PRKCB: variants seen among roughly 807,000 people sequenced by gnomAD.
The protein encoded by PRKCB is protein kinase C beta type.
In PRKCB, 13 loss-of-function variants were observed where a neutral mutation model predicts 81.5. That is an observed-to-expected ratio of 0.16 (90% CI 0.10 to 0.25). The LOEUF (loss-of-function observed/expected upper bound fraction) is 0.25. PRKCB is among the 10% of genes least tolerant of loss of function. The pLI is 1.00. For synonymous variants in PRKCB, 335 were observed against 321.4 expected, an observed-to-expected ratio of 1.04 and a Z score of -0.45; for missense variants, 509 against 875.7, an observed-to-expected ratio of 0.58 and a Z score of 5.29.
intron 2 of PRKCB, among the ~76,000 whole-genome samples, chr16:23,868,296 A>T (rs1597217601): frequency 6.6e-6 from 1 of 152,344 alleles, no homozygotes; most frequent in East Asian, 1.9e-4. Flanking sequence ...AATGGGAAGC[A>T]AAAAATAAAA....
rs528930677 is a variant in PRKCB at position 23,916,549 on chromosome 16, C to T, written c.206-71959C>T. On this transcript the variant is annotated intron_variant, in intron 2 of 16. Coordinates refer to ENST00000643927, the MANE Select transcript of PRKCB (RefSeq NM_002738.7). The stretch of plus-strand genomic sequence containing the variant: ...TCCTATCCCTAGCCCTTAGGCCACT[C>T]TGTTCACCTCCTTTTTGGCACCCAA... Among the ~76,000 whole-genome samples the T allele has an allele frequency of 1.4e-4, 21 of 152,256 alleles. No individual in the cohort carries two copies. The East Asian group carries it at 3.9e-3, about 28-fold the overall frequency.
chr16:23,912,134 G>A (rs139217110), intron 2 of PRKCB, among the ~76,000 whole-genome samples: 14 of 151,992 alleles, frequency 9.2e-5, no homozygotes, highest in Admixed American at 2.0e-4. Context: ...ACCTAACTGC[G>A]CCACCCCTTT....
intron 9 of PRKCB, among the ~76,000 whole-genome samples, chr16:24,146,229 C>T (rs1378162882): frequency 6.6e-6 from 1 of 152,160 alleles, no homozygotes; most frequent in Non-Finnish European, 1.5e-5. Context: ...GACTTCCAGC[C>T]TCCAGAACTC....
chr16:24,117,583 C>T (rs1966749542), intron 8 of PRKCB, among the ~76,000 whole-genome samples: 1 of 152,056 alleles, frequency 6.6e-6, no homozygotes, highest in Admixed American at 6.6e-5. Context: ...AAACTGAAGC[C>T]CACAGAGGTT....
intron 3 of PRKCB, among the ~76,000 whole-genome samples, chr16:24,021,150 T>A: frequency 7.1e-6 from 1 of 141,706 alleles, no homozygotes; most frequent in Non-Finnish European, 1.6e-5. Flanking sequence ...TCCTTCTTTC[T>A]TTTCCTCCCT....
intron 2 of PRKCB, among the ~76,000 whole-genome samples, chr16:23,953,090 G>C (rs1964304982): frequency 6.6e-6 from 1 of 152,138 alleles, no homozygotes; most frequent in Non-Finnish European, 1.5e-5. Context: ...CCAATGAGGT[G>C]CCATTATCCT....
At chr16:24,170,456 A>G (rs1376461783) in intron 10 of PRKCB, among the ~76,000 whole-genome samples, 1 of 152,120 alleles carries the variant, frequency 6.6e-6, no homozygotes. Flanking sequence ...GAGGGACTTC[A>G]GTTCCCAAAT....
At chr16:23,905,787 T>TACCC (rs1963550259) in intron 2 of PRKCB, among the ~76,000 whole-genome samples, 1 of 152,214 alleles carries the variant, frequency 6.6e-6, no homozygotes, top group Non-Finnish European at 1.5e-5. Flanking sequence ...ATTGACTCTG[T>TACCC]ACCCACCCCA....
chr16:23,922,960 T>C (rs908497111), intron 2 of PRKCB, among the ~76,000 whole-genome samples: 3 of 152,124 alleles, frequency 2.0e-5, no homozygotes, highest in African/African-American at 7.2e-5. Flanking sequence ...AATAGATCTG[T>C]CTGTTCTTTA....
chr16:23,928,165 G>A (rs1372083312), intron 2 of PRKCB, among the ~76,000 whole-genome samples: 1 of 151,728 alleles, frequency 6.6e-6, no homozygotes, highest in Admixed American at 6.6e-5. Flanking sequence ...CACTCTTGTT[G>A]CCCAGGCTGG....
intron 15 of PRKCB, among the ~76,000 whole-genome samples, chr16:24,186,680 T>C (rs1967708758): frequency 6.6e-6 from 1 of 152,220 alleles, no homozygotes; most frequent in African/African-American, 2.4e-5. Context: ...TGCACTGTCT[T>C]GGGTGAAGGA....
intron 2 of PRKCB, among the ~76,000 whole-genome samples, chr16:23,953,300 A>G (rs1171847405): frequency 1.3e-5 from 2 of 152,192 alleles, no homozygotes; most frequent in African/African-American, 4.8e-5. Context: ...CGGGGCTGAC[A>G]TTTAGAAACC....
At chr16:24,212,461 CTTTTTTTT>C (rs975667798) in intron 16 of PRKCB, among the ~76,000 whole-genome samples, 22 of 78,038 alleles carry the variant, frequency 2.8e-4, no homozygotes, top group Non-Finnish European at 3.5e-4. Context: ...CTTTTTTTTC[CTTTTTTTT>C]TTTTTTTTTT....
intron 5 of PRKCB, among the ~76,000 whole-genome samples, chr16:24,048,433 G>A (rs767736991): frequency 3.9e-5 from 6 of 152,178 alleles, no homozygotes; most frequent in Middle Eastern, 3.4e-3. Flanking sequence ...TACATCAGTG[G>A]AGTGATGATG....
intron 3 of PRKCB, among the ~76,000 whole-genome samples, chr16:24,023,457 C>G (rs1473379832): frequency 6.6e-6 from 1 of 152,194 alleles, no homozygotes; most frequent in African/African-American, 2.4e-5. Context: ...CAAGCTCTGC[C>G]TCCCAGGTTC....
chr16:24,165,045 A>G (rs1967321793), intron 10 of PRKCB, among the ~76,000 whole-genome samples: 2 of 151,854 alleles, frequency 1.3e-5, no homozygotes, highest in Admixed American at 1.3e-4. Flanking sequence ...TTATTTATTT[A>G]TTTACTTTTA....
chr16:23,988,622 T>C, intron 3 of PRKCB, 32 bp downstream of exon 3: 1 of 1,579,536 alleles, frequency 6.3e-7, no homozygotes, highest in Non-Finnish European at 8.7e-7. Context: ...CTTTTCTCTG[T>C]CCACAGTCAA....
At chr16:24,204,096 C>A (rs1968006666) in intron 16 of PRKCB, among the ~76,000 whole-genome samples, 1 of 152,104 alleles carries the variant, frequency 6.6e-6, no homozygotes, top group Non-Finnish European at 1.5e-5. Flanking sequence ...GACTTACTCA[C>A]TGGACATGAA....
chr16:23,992,030 G>T (rs1352798687), intron 3 of PRKCB, among the ~76,000 whole-genome samples: 1 of 152,176 alleles, frequency 6.6e-6, no homozygotes, highest in African/African-American at 2.4e-5. Context: ...AAATGAGATA[G>T]TGCCCCTATA....
Sources: gnomAD v4.1 joint callset for allele counts (sites outside exome capture counted in the v4.1 genomes callset) on GRCh38, gnomAD v4.1.1 for gene constraint, MANE v1.5 for transcripts, NCBI Gene and HGNC (gene_info 2026-07-23, HGNC 2026-07-21) for gene names.